The following STXBP5L variants were observed in gnomAD, a reference collection of about 807,000 sequenced individuals.
STXBP5L encodes syntaxin binding protein 5L.
STXBP5L carries 65 observed loss-of-function variants against 144.5 expected under a neutral mutation model. The ratio of observed to expected loss-of-function variants is 0.45; its 90% CI spans 0.37 to 0.55. The LOEUF is 0.55. Among genes scored for constraint, STXBP5L ranks in the 20% least tolerant of loss-of-function variants. The pLI is 0.00. For missense variants in STXBP5L, 1,298 were observed against 1,405.5 expected, an observed-to-expected ratio of 0.92 and a Z score of 1.22; for synonymous variants, 505 against 469.6, an observed-to-expected ratio of 1.08 and a Z score of -0.97.
At chr3:121,019,336 C>T (rs1030382404) in intron 3 of STXBP5L, among the ~76,000 whole-genome samples, 2 of 152,126 alleles carry the variant, frequency 1.3e-5, no homozygotes, top group African/African-American at 2.4e-5. Flanking sequence ...GCTGTATTGG[C>T]CTGCACACTA....
chr3:121,028,141 A>G (rs1212205550), intron 3 of STXBP5L, among the ~76,000 whole-genome samples: 1 of 152,120 alleles, frequency 6.6e-6, no homozygotes, highest in African/African-American at 2.4e-5. Flanking sequence ...CTAAATTAAT[A>G]GAAACATTAG....
At chr3:121,155,564 C>G (rs1407100466) in intron 8 of STXBP5L, among the ~76,000 whole-genome samples, 2 of 151,758 alleles carry the variant, frequency 1.3e-5, no homozygotes, top group Non-Finnish European at 3.0e-5. Context: ...TGTTTTCTAT[C>G]TCTTAAAATT....
At chr3:121,042,137 C>A (rs76435792) in intron 4 of STXBP5L, among the ~76,000 whole-genome samples, 18,241 of 152,054 alleles carry the variant, frequency 0.12, 1,149 homozygotes, top group Non-Finnish European at 0.14. Flanking sequence ...GGCCTAACTT[C>A]ATATTTTATC....
At chr3:121,031,342 C>G (rs1380350022) in intron 3 of STXBP5L, among the ~76,000 whole-genome samples, 1 of 151,848 alleles carries the variant, frequency 6.6e-6, no homozygotes, top group African/African-American at 2.4e-5. Context: ...CTATTGGCAA[C>G]CAATAGGATG....
chr3:121,244,796 G>GA (rs1251128542), intron 14 of STXBP5L, among the ~76,000 whole-genome samples: 7 of 151,464 alleles, frequency 4.6e-5, no homozygotes, highest in Non-Finnish European at 1.0e-4. Flanking sequence ...AGTGCTGAAA[G>GA]AAAAAAAACC....
intron 9 of STXBP5L, among the ~76,000 whole-genome samples, chr3:121,170,442 T>C (rs2108057102): frequency 6.6e-6 from 1 of 152,040 alleles, no homozygotes; most frequent in East Asian, 1.9e-4. Flanking sequence ...AATAGACCGC[T>C]AGTCAGACTA....
chr3:121,203,162 A>G (rs1011479052), intron 9 of STXBP5L, among the ~76,000 whole-genome samples: 1 of 151,992 alleles, frequency 6.6e-6, no homozygotes, highest in African/African-American at 2.4e-5. Flanking sequence ...ATGAAGACAC[A>G]TTAATATTTT....
intron 1 of STXBP5L, among the ~76,000 whole-genome samples, chr3:120,908,705 G>T (rs932482336): frequency 6.6e-6 from 1 of 151,740 alleles, no homozygotes; most frequent in African/African-American, 2.4e-5. Flanking sequence ...CGCCGCCACC[G>T]CTTCACGTCC....
chr3:121,166,432 GA>G (rs1487589609), intron 9 of STXBP5L, among the ~76,000 whole-genome samples: 1 of 151,908 alleles, frequency 6.6e-6, no homozygotes, highest in Non-Finnish European at 1.5e-5. Flanking sequence ...TGCTTTTTGT[GA>G]AATTAATTTT....
At chr3:121,045,380 A>G in intron 4 of STXBP5L, 55 bp from the exon 5 acceptor site, 8 of 1,513,270 alleles carry the variant, frequency 5.3e-6, no homozygotes, top group Non-Finnish European at 7.2e-6. Context: ...TTTGTGATTA[A>G]AAAAACCCTA....
intron 20 of STXBP5L, among the ~76,000 whole-genome samples, chr3:121,349,122 GC>G (rs2045150800): frequency 6.6e-6 from 1 of 152,084 alleles, no homozygotes; most frequent in Non-Finnish European, 1.5e-5. Context: ...TCTACACACT[GC>G]TTTAAATGTG....
chr3:121,309,423 TAA>T (rs1373718745), intron 19 of STXBP5L, among the ~76,000 whole-genome samples: 2 of 152,092 alleles, frequency 1.3e-5, no homozygotes, highest in African/African-American at 4.8e-5. Flanking sequence ...TTTATAATGA[TAA>T]AAGTGTCAAT....
At chr3:121,054,616 C>T (rs975674773) in intron 5 of STXBP5L, among the ~76,000 whole-genome samples, 1 of 149,094 alleles carries the variant, frequency 6.7e-6, no homozygotes, top group Non-Finnish European at 1.5e-5. Flanking sequence ...GGAGGGATAG[C>T]ATTAGGAGAT....
chr3:121,166,414 G>T (rs556152666), intron 9 of STXBP5L, among the ~76,000 whole-genome samples: 47 of 152,106 alleles, frequency 3.1e-4, no homozygotes, highest in African/African-American at 1.1e-3. Flanking sequence ...CTTCAGCTAT[G>T]TATATTCTGC....
chr3:121,199,122 A>AT (rs968138526), intron 9 of STXBP5L, among the ~76,000 whole-genome samples: 4 of 151,946 alleles, frequency 2.6e-5, no homozygotes, highest in African/African-American at 7.3e-5. Flanking sequence ...TGAGCATACA[A>AT]TTTTTTTCCG....
In STXBP5L at chr3:121,246,102, C is replaced by G. The variant is rs1438145208; in HGVS notation, c.1401-4621C>G. Among the ~76,000 whole-genome samples the G allele has an allele frequency of 2.0e-5, 3 of 152,180 alleles. No individual in the cohort carries two copies. The East Asian group carries it at 5.8e-4, about 29-fold the overall frequency. ...ATGGCCTGTTAGGAACTAGGCCACACAGCAGGAGGTAAGTGGCAGGCAAGT... is the reference window on the plus strand; with the variant it reads ...ATGGCCTGTTAGGAACTAGGCCACAGAGCAGGAGGTAAGTGGCAGGCAAGT... On this transcript the variant is annotated intron_variant, in intron 14 of 26. Transcript: ENST00000471454.
chr3:121,064,359 A>G (rs2041439605), intron 5 of STXBP5L, among the ~76,000 whole-genome samples: 1 of 152,210 alleles, frequency 6.6e-6, no homozygotes, highest in Non-Finnish European at 1.5e-5. Context: ...AAATGCAGAA[A>G]TGACTCACCT....
chr3:121,330,153 A>G (rs2044277591), intron 20 of STXBP5L, among the ~76,000 whole-genome samples: 1 of 152,198 alleles, frequency 6.6e-6, no homozygotes, highest in Non-Finnish European at 1.5e-5. Context: ...CTATCTCAAC[A>G]GGGAAGGCTT....
intron 2 of STXBP5L, among the ~76,000 whole-genome samples, chr3:120,921,937 G>A (rs538016125): frequency 2.0e-4 from 30 of 151,842 alleles, no homozygotes; most frequent in Middle Eastern, 3.4e-3. Context: ...GGGTTTCTTT[G>A]GCTATTCAGG....
Sources: allele counts gnomAD v4.1 joint callset (sites outside exome capture counted in the v4.1 genomes callset), GRCh38; gene constraint gnomAD v4.1.1; transcripts MANE v1.5; gene names NCBI Gene and HGNC (gene_info 2026-07-23, HGNC 2026-07-21).